Variants in EIF4EBP1 observed in about 807,000 individuals in gnomAD.
EIF4EBP1 encodes the protein eukaryotic translation initiation factor 4E-binding protein 1.
Under a neutral mutation model 9.2 loss-of-function variants are expected in EIF4EBP1, and 5 were observed. The ratio of observed to expected loss-of-function variants is 0.54; its 90% CI spans 0.28 to 1.14. The LOEUF (loss-of-function observed/expected upper bound fraction) is 1.14. Ranked by LOEUF, EIF4EBP1 falls within the 50% of genes most tolerant of loss-of-function variation. EIF4EBP1 has a pLI of 0.09. For missense variants in EIF4EBP1, 139 were observed against 169.6 expected (o/e 0.82, Z 1.00); for synonymous variants, 62 against 67.0 (o/e 0.93, Z 0.36).
intron 1 of EIF4EBP1, among the ~76,000 whole-genome samples, chr8:38,054,888 C>T (rs529200297): frequency 6.1e-4 from 93 of 152,140 alleles, no homozygotes; most frequent in African/African-American, 2.1e-3. Context: ...AGATGGAGGC[C>T]CAAAACAGGG....
chr8:38,056,173 G>A (rs1809592437), intron 1 of EIF4EBP1, among the ~76,000 whole-genome samples: 1 of 151,726 alleles, frequency 6.6e-6, no homozygotes, highest in Admixed American at 6.6e-5. Flanking sequence ...TAACATTTTT[G>A]TAGAGATGAG....
At chr8:38,050,202 G>A (rs1392535758) in intron 1 of EIF4EBP1, among the ~76,000 whole-genome samples, 2 of 152,220 alleles carry the variant, frequency 1.3e-5, no homozygotes, top group Admixed American at 6.5e-5. Flanking sequence ...GTGAACCACT[G>A]CACCCGGCCT....
intron 1 of EIF4EBP1, among the ~76,000 whole-genome samples, chr8:38,055,178 T>TCTCACGTCATCCTCAGCAC: frequency 6.6e-6 from 1 of 152,260 alleles, no homozygotes; most frequent in Non-Finnish European, 1.5e-5. Context: ...CCCTTCAGCA[T>TCTCACGTCATCCTCAGCAC]CTCACGTCAT....
At position 38,030,604 on chromosome 8, in the gene EIF4EBP1, C is replaced by T; in HGVS notation, c.31C>T (p.Pro11Ser). The T allele has an allele frequency of 6.6e-7, 1 of 1,514,278 alleles. No homozygotes were observed. The highest frequency in any genetic ancestry group is 8.8e-7 in the Non-Finnish European group (1 of 1,137,714). 93.8% of individuals were successfully genotyped at this position (1,514,278 alleles called of 1,614,324 possible). Reference sequence around the variant, plus strand: ...CGGGGGCAGCAGCTGCAGCCAGACCCCAAGCCGGGCCATCCCCGCCACTCG... The same window carrying T: ...CGGGGGCAGCAGCTGCAGCCAGACCTCAAGCCGGGCCATCCCCGCCACTCG... MSGGSSCSQT[P>S]SRAIPATRRV... Residue 11 changes from proline (P) to serine (S), a missense_variant, in exon 1 of 3, where the codon CCA (proline) becomes TCA (serine). Coordinates refer to ENST00000338825, the MANE Select transcript of EIF4EBP1 (RefSeq NM_004095.4).
At chr8:38,032,274 G>A (rs1429409006) in intron 1 of EIF4EBP1, among the ~76,000 whole-genome samples, 1 of 143,794 alleles carries the variant, frequency 7.0e-6, no homozygotes, top group Non-Finnish European at 1.5e-5. Context: ...GCATTTTGGG[G>A]AGCCAAGGCA....
In EIF4EBP1 at chr8:38,033,208, G is replaced by T. The variant is rs186419318; in HGVS notation, c.145+2490G>T. Among the ~76,000 whole-genome samples, 522 of 151,668 alleles carry T rather than the reference G, an allele frequency of 3.4e-3. 2 individuals are homozygous for T. The highest frequency in any genetic ancestry group is 0.011 in the African/African-American group (459 of 41,398). ...GCCTCCCCAATAACTGGGACAACAG[G>T]CATGCACCACCCATGCCCAGCTGAT... On this transcript the variant is annotated intron_variant, in intron 1 of 2. Coordinates refer to ENST00000338825, the MANE Select transcript of EIF4EBP1 (RefSeq NM_004095.4).
At chr8:38,059,760 AAAAAAAAC>A (rs1311501342) in intron 2 of EIF4EBP1, 136 bp from the exon 3 acceptor site, 6 of 845,766 alleles carry the variant, frequency 7.1e-6, no homozygotes, top group African/African-American at 6.9e-5. Flanking sequence ...CATCTCAAAA[AAAAAAAAC>A]AAAAAAACAA....
chr8:38,053,688 G>A (rs80154808), intron 1 of EIF4EBP1, among the ~76,000 whole-genome samples: 3,489 of 152,294 alleles, frequency 0.023, 130 homozygotes, highest in African/African-American at 0.08. Context: ...AGCAAAATGC[G>A]CGCACACTCT....
rs955188594 is a variant in EIF4EBP1, at chr8:38,045,969, G to A, written c.146-11112G>A. Among the ~76,000 whole-genome samples, 11 of 151,452 alleles carry A rather than the reference G, an allele frequency of 7.3e-5. No homozygotes were observed. The South Asian group carries it at 1.3e-3, about 17-fold the overall frequency. On this transcript the variant is annotated intron_variant, in intron 1 of 2. Transcript: ENST00000338825. ...CACCCAAGCTGGAGTGCAATGGTGC[G>A]ATTTTGGCTCACTGCAACCTCTGCC...
At chr8:38,050,981 CAGG>C (rs1206580824) in intron 1 of EIF4EBP1, among the ~76,000 whole-genome samples, 2 of 152,126 alleles carry the variant, frequency 1.3e-5, no homozygotes, top group African/African-American at 4.8e-5. Flanking sequence ...GCTCACCATT[CAGG>C]AGGTCAACTT....
Position 38,047,154 on chromosome 8 carries a change from C to G in EIF4EBP1, c.146-9927C>G, listed in dbSNP as rs1428502211. 2.0e-5 allele frequency among the ~76,000 whole-genome samples: 3 copies of G among 152,206 alleles called. No homozygotes were observed. The East Asian group carries it at 5.8e-4, about 29-fold the overall frequency. ...CTTGGGATCTGTGTCCCTTGGTGAT[C>G]TCCTCTTACGCCTGTCTGTGGACTT... On this transcript the variant is annotated intron_variant, in intron 1 of 2. Transcript: ENST00000338825.
chr8:38,052,198 A>C (rs974163100), intron 1 of EIF4EBP1, among the ~76,000 whole-genome samples: 8 of 151,402 alleles, frequency 5.3e-5, no homozygotes, highest in Non-Finnish European at 1.2e-4. Context: ...GACCTTGTAC[A>C]TGGGCCAAGT....
At chr8:38,032,023 G>C (rs1809231903) in intron 1 of EIF4EBP1, among the ~76,000 whole-genome samples, 1 of 152,216 alleles carries the variant, frequency 6.6e-6, no homozygotes, top group African/African-American at 2.4e-5. Flanking sequence ...AGTCCATGCT[G>C]TTCTCCTTTG....
chr8:38,050,146 A>G (rs905271528), intron 1 of EIF4EBP1, among the ~76,000 whole-genome samples: 1 of 151,990 alleles, frequency 6.6e-6, no homozygotes, highest in Non-Finnish European at 1.5e-5. Flanking sequence ...TCCTGATCTC[A>G]TGTGATCCAC....
intron 1 of EIF4EBP1, among the ~76,000 whole-genome samples, chr8:38,035,929 G>A (rs1394334627): frequency 1.3e-5 from 2 of 149,538 alleles, no homozygotes; most frequent in African/African-American, 2.5e-5. Flanking sequence ...GGCTGGTCTC[G>A]AACTCCTGAC....
intron 1 of EIF4EBP1, among the ~76,000 whole-genome samples, chr8:38,044,213 A>T (rs759171523): frequency 4.6e-5 from 7 of 151,982 alleles, no homozygotes; most frequent in African/African-American, 1.2e-4. Context: ...CCCACATCCA[A>T]TGGAAGAATG....
chr8:38,033,558 G>C (rs1809255801), intron 1 of EIF4EBP1, among the ~76,000 whole-genome samples: 1 of 151,518 alleles, frequency 6.6e-6, no homozygotes, highest in Admixed American at 6.6e-5. Flanking sequence ...GCTTTTGATA[G>C]AGTGTCTGCA....
At chr8:38,041,658 A>G (rs1340944103) in intron 1 of EIF4EBP1, among the ~76,000 whole-genome samples, 1 of 152,200 alleles carries the variant, frequency 6.6e-6, no homozygotes, top group Non-Finnish European at 1.5e-5. Flanking sequence ...CATAGATCCC[A>G]TACCCTGTTC....
intron 1 of EIF4EBP1, among the ~76,000 whole-genome samples, chr8:38,048,621 TC>T (rs1299698495): frequency 3.3e-5 from 5 of 152,170 alleles, no homozygotes; most frequent in African/African-American, 1.2e-4. Flanking sequence ...AATGTGGGGT[TC>T]CCTGAAGCCC....
Sources: allele counts gnomAD v4.1 joint callset (sites outside exome capture counted in the v4.1 genomes callset), GRCh38; gene constraint gnomAD v4.1.1; transcripts MANE v1.5; gene names NCBI Gene and HGNC (gene_info 2026-07-23, HGNC 2026-07-21).